Variants in ANKRD28 observed in about 807,000 individuals in gnomAD.
ANKRD28 encodes the protein serine/threonine-protein phosphatase 6 regulatory ankyrin repeat subunit A.
A neutral mutation model predicts 126.5 loss-of-function variants in ANKRD28; 44 were observed. The observed-to-expected ratio is 0.35, with a 90% CI of 0.27 to 0.45. The LOEUF is 0.45. Ranked by LOEUF, ANKRD28 falls within the 20% of genes least tolerant of loss-of-function variation. ANKRD28 has a pLI of 1.00. For missense variants in ANKRD28, 1,110 were observed against 1,316.6 expected, an observed-to-expected ratio of 0.84 and a Z score of 2.43; for synonymous variants, 442 against 468.5, an observed-to-expected ratio of 0.94 and a Z score of 0.73.
At position 15,815,995 on chromosome 3, in the gene ANKRD28, G is replaced by T. The variant is rs1278230751; in HGVS notation, c.28-20689C>A. Among the ~76,000 whole-genome samples, 2 of 152,050 alleles carry T rather than the reference G, an allele frequency of 1.3e-5. No homozygotes were observed. The highest frequency in any genetic ancestry group is 6.6e-5 in the Admixed American group (1 of 15,266). ...TAAACAAAGGTTTCAAATAGAAGAGGCTTTACAGGTTTTCATAATTATGTT... is the reference window on the plus strand; with the variant it reads ...TAAACAAAGGTTTCAAATAGAAGAGTCTTTACAGGTTTTCATAATTATGTT... On this transcript the variant is annotated intron_variant, in intron 1 of 27. Transcript: ENST00000399451. This position sits in a 1 kb window ranked among gnomAD's most constrained non-coding sequence, Gnocchi z 4.1.
rs371051467 is a variant in ANKRD28 at position 15,777,166 on chromosome 3, C to T, written c.202-10854G>A. On this transcript the variant is annotated intron_variant, in intron 2 of 27. Transcript: ENST00000683139. The stretch of plus-strand genomic sequence containing the variant: ...GTGGGCATCTGTAGCCCCAGCTACT[C>T]GGGAGATTGAGGCAGGAGAATGGCA... Among the ~76,000 whole-genome samples, 16 of 150,918 alleles carry T rather than the reference C, an allele frequency of 1.1e-4. No individual in the cohort carries two copies. In the East Asian group the frequency reaches 2.5e-3, roughly 24 times the overall value.
At chr3:15,772,674 A>T (rs573619715) in intron 2 of ANKRD28, among the ~76,000 whole-genome samples, 56 of 152,290 alleles carry the variant, frequency 3.7e-4, no homozygotes, top group African/African-American at 1.1e-3. Flanking sequence ...CATGATTTTT[A>T]AAAAAATTAT....
In ANKRD28 at chr3:15,797,307, A is replaced by C. The variant is rs1001189759; in HGVS notation, c.-786T>G. ...AGACAATACGACTCTTGGTACTAGA[A>C]TACAGCTTGATTAATCCAGGTTTCC... On this transcript the variant is annotated 5_prime_UTR_variant, in exon 1 of 28. The change creates a premature stop within an existing upstream ORF in the 5' untranslated region. Coordinates refer to ENST00000683139, the MANE Select transcript of ANKRD28 (RefSeq NM_001349278.2). 4.8e-5 allele frequency: 47 copies of C among 985,266 alleles called. No individual in the cohort carries two copies. Among genetic ancestry groups the C allele is most frequent in the Non-Finnish European group, 5.7e-5 (47 of 829,940 alleles). The allele number at this position is 985,266 out of a possible 1,614,324, so 61.0% of individuals were successfully genotyped here.
intron 4 of ANKRD28, 58 bp from the exon 5 acceptor site, chr3:15,737,291 C>G: frequency 1.4e-6 from 2 of 1,440,018 alleles, no homozygotes; most frequent in Non-Finnish European, 1.9e-6. Flanking sequence ...GAAATTATTT[C>G]TATATATAGT....
chr3:15,700,348 T>A (rs1329064616), intron 14 of ANKRD28, among the ~76,000 whole-genome samples: 2 of 151,412 alleles, frequency 1.3e-5, no homozygotes, highest in Non-Finnish European at 2.9e-5. Flanking sequence ...CTAATGTAAA[T>A]AATGTAAATG....
intron 5 of ANKRD28, 104 bp downstream of exon 5, chr3:15,736,929 T>C (rs2075058611): frequency 1.7e-6 from 2 of 1,177,380 alleles, no homozygotes; most frequent in South Asian, 1.4e-5. Context: ...ATGAGAAAGA[T>C]AAATAGTTCT....
At position 15,797,520 on chromosome 3, in the gene ANKRD28, T is replaced by A; in HGVS notation, c.-999A>T. ...AGGCTGTGAAGGAATTAGAAGGCAT[T>A]TGAGCTCAAATTACTGCTTCAGGCT... On this transcript the variant is annotated 5_prime_UTR_variant, in exon 1 of 28. Transcript: ENST00000683139. 1 of 985,238 alleles carries A rather than the reference T, an allele frequency of 1.0e-6. No homozygotes were observed. The highest frequency in any genetic ancestry group is 1.2e-6 in the Non-Finnish European group (1 of 829,892). 61.0% of individuals were successfully genotyped at this position (985,238 alleles called of 1,614,324 possible). A position where few individuals can be genotyped will look rare whatever the true frequency, so the allele number is the denominator to read the frequency against.
At chr3:15,718,815 G>A (rs1330066507) in intron 8 of ANKRD28, among the ~76,000 whole-genome samples, 2 of 152,184 alleles carry the variant, frequency 1.3e-5, no homozygotes, top group Admixed American at 6.5e-5. Context: ...TGGTTGTGAC[G>A]TTTGCTTTTG....
chr3:15,836,059 G>C (rs1365551784), intron 1 of ANKRD28, among the ~76,000 whole-genome samples: 5 of 151,790 alleles, frequency 3.3e-5, no homozygotes, highest in African/African-American at 1.2e-4. Flanking sequence ...AAATGGGAGT[G>C]AATTATATTG....
chr3:15,777,849 TACACACACACACAC>T (rs569761948), intron 2 of ANKRD28, among the ~76,000 whole-genome samples: 1,124 of 106,184 alleles, frequency 0.011, 13 homozygotes, highest in East Asian at 0.04. Flanking sequence ...AAAACCAAAC[TACACACACACACAC>T]ACACACACAC....
At chr3:15,851,565 A>C (rs1302006441) in intron 1 of ANKRD28, among the ~76,000 whole-genome samples, 1 of 150,390 alleles carries the variant, frequency 6.6e-6, no homozygotes, top group Non-Finnish European at 1.5e-5. Flanking sequence ...ATAAATAAAT[A>C]AATAAATAAA....
At chr3:15,801,219 T>C (rs959610284), upstream of ANKRD28, among the ~76,000 whole-genome samples, 67 of 152,328 alleles carry the variant, frequency 4.4e-4, no homozygotes, top group African/African-American at 1.6e-3. The surrounding 1 kb of genome is among the most constrained non-coding windows in gnomAD (Gnocchi z 4.9). Context: ...CTACTATTAA[T>C]GGAATCACAT....
intron 2 of ANKRD28, among the ~76,000 whole-genome samples, chr3:15,775,760 GCACCACCCTC>G (rs2059234541): frequency 6.6e-6 from 1 of 152,206 alleles, no homozygotes; most frequent in African/African-American, 2.4e-5. Flanking sequence ...CTCTCTGGGT[GCACCACCCTC>G]CAGGAACTGC....
intron 20 of ANKRD28, 117 bp downstream of exon 20, chr3:15,685,885 T>C: frequency 2.6e-6 from 2 of 758,220 alleles, no homozygotes; most frequent in Non-Finnish European, 4.2e-6. Context: ...CTGAAAGAAA[T>C]GGTAAAGACT....
In ANKRD28 at chr3:15,699,726, C is replaced by G. The variant is rs186235346; in HGVS notation, c.1548-3481G>C. Among the ~76,000 whole-genome samples the G allele has an allele frequency of 1.7e-3, 264 of 152,288 alleles. 1 individual carries two copies. The highest frequency in any genetic ancestry group is 2.9e-3 in the Non-Finnish European group (200 of 68,022). On this transcript the variant is annotated intron_variant, in intron 14 of 27. Transcript: ENST00000683139. ...GTTAGAATGGCCATCATTAAAAAGTCAGGAAACAACAGATGCTGGAGAGGA... is the reference window on the plus strand; with the variant it reads ...GTTAGAATGGCCATCATTAAAAAGTGAGGAAACAACAGATGCTGGAGAGGA...
rs150283402 is a variant in ANKRD28, at chr3:15,693,517, T to C, written c.1761+1222A>G. On this transcript the variant is annotated intron_variant, in intron 17 of 27. Transcript: ENST00000683139. ...CTGCAGGGCTTTTGGGAGTCTTTAA[T>C]ATGCTACTAGTTGAATCTCCACAAG... Among the ~76,000 whole-genome samples the C allele has an allele frequency of 4.5e-4, 68 of 152,302 alleles. No homozygotes were observed. In the East Asian group the frequency reaches 0.013, roughly 28 times the overall value.
chr3:15,775,080 T>C (rs1385794248), intron 2 of ANKRD28, among the ~76,000 whole-genome samples: 3 of 140,880 alleles, frequency 2.1e-5, no homozygotes, highest in East Asian at 5.9e-4. Context: ...TTTCACCATG[T>C]TGGCCAGGCT....
At chr3:15,763,906 C>T (rs191447827) in intron 3 of ANKRD28, among the ~76,000 whole-genome samples, 1 of 152,186 alleles carries the variant, frequency 6.6e-6, no homozygotes, top group East Asian at 1.9e-4. Context: ...AGCTATATTA[C>T]CTCTTTACAC....
chr3:15,675,130 C>T (rs541194164), intron 27 of ANKRD28, among the ~76,000 whole-genome samples: 2 of 152,004 alleles, frequency 1.3e-5, no homozygotes, highest in African/African-American at 2.4e-5. Context: ...TTTAGCCAGG[C>T]GTCGTGGCAG....
Sources: allele counts gnomAD v4.1 joint callset (sites outside exome capture counted in the v4.1 genomes callset), GRCh38; gene constraint gnomAD v4.1.1; non-coding constraint Gnocchi (gnomAD v3.1); transcripts MANE v1.5; gene names NCBI Gene and HGNC (gene_info 2026-07-23, HGNC 2026-07-21).